Variants in KIAA1671 observed in about 807,000 individuals in gnomAD.
KIAA1671 encodes uncharacterized protein KIAA1671.
A neutral mutation model predicts 131.2 loss-of-function variants in KIAA1671; 52 were observed. The observed-to-expected ratio is 0.40, with a 90% CI of 0.32 to 0.50. The LOEUF is 0.50. Among genes scored for constraint, KIAA1671 ranks in the 20% least tolerant of loss-of-function variants. The probability of loss-of-function intolerance (pLI) is 0.73; values close to 1 mark genes in which losing one functional copy is unlikely to be tolerated. For missense variants in KIAA1671, 2,360 were observed against 2,364.2 expected, an observed-to-expected ratio of 1.00 and a Z score of 0.04; for synonymous variants, 1,003 against 961.6, an observed-to-expected ratio of 1.04 and a Z score of -0.80.
At chr22:25,050,327 C>A (rs1447975879) in intron 6 of KIAA1671, 2 of 152,310 alleles carry the variant, frequency 1.3e-5, no homozygotes, top group African/African-American at 4.8e-5. Flanking sequence ...TAGTTCCATG[C>A]TGTTTGGAGT....
intron 5 of KIAA1671, among the ~76,000 whole-genome samples, chr22:25,043,478 T>G (rs1481382832): frequency 6.6e-6 from 1 of 152,166 alleles, no homozygotes; most frequent in Admixed American, 6.5e-5. Context: ...AATCTGGCCT[T>G]AATTACCCAA....
chr22:25,077,429 T>C (rs906733892), intron 6 of KIAA1671, among the ~76,000 whole-genome samples: 4 of 152,152 alleles, frequency 2.6e-5, no homozygotes, highest in South Asian at 4.1e-4. Context: ...GGCTCTGATA[T>C]AATGGCAGGG....
chr22:25,099,041 CG>C (rs1555878217), intron 6 of KIAA1671, among the ~76,000 whole-genome samples: 1 of 152,020 alleles, frequency 6.6e-6, no homozygotes, highest in Non-Finnish European at 1.5e-5. Context: ...ATGGAAATGA[CG>C]GGGGTGGGGC....
intron 1 of KIAA1671, among the ~76,000 whole-genome samples, chr22:25,001,743 G>A (rs1054210109): frequency 2.6e-5 from 4 of 152,136 alleles, no homozygotes; most frequent in Non-Finnish European, 4.4e-5. Context: ...GGCTTGTCCA[G>A]CCTTTCTCCC....
chr22:25,020,886 G>A (rs1346312853), intron 1 of KIAA1671, among the ~76,000 whole-genome samples: 8 of 152,150 alleles, frequency 5.3e-5, no homozygotes, highest in Non-Finnish European at 5.9e-5. Context: ...AGAGGATCTG[G>A]ATCCTGTAGG....
At chr22:25,164,416 A>G (rs1933568221) in intron 6 of KIAA1671, among the ~76,000 whole-genome samples, 1 of 152,226 alleles carries the variant, frequency 6.6e-6, no homozygotes, top group Non-Finnish European at 1.5e-5. Context: ...TACAGTATTC[A>G]GTCAACCTCA....
rs530626383 is a variant in KIAA1671 at position 25,138,582 on chromosome 22, G to A, written c.4531-32238G>A. On this transcript the variant is annotated intron_variant, in intron 6 of 12. Coordinates refer to ENST00000358431, the MANE Select transcript of KIAA1671 (RefSeq NM_001145206.2). ...GCTCTTGTTGCTTAGATTGATTAAC[G>A]ATCCCTGAGTTGAACATTCACCTAT... Among the ~76,000 whole-genome samples the A allele has an allele frequency of 1.3e-4, 20 of 152,154 alleles. No homozygotes were observed. The South Asian group carries it at 2.7e-3, about 21-fold the overall frequency.
At chr22:25,169,735 T>G (rs1278378052) in intron 6 of KIAA1671, among the ~76,000 whole-genome samples, 1 of 152,196 alleles carries the variant, frequency 6.6e-6, no homozygotes, top group Non-Finnish European at 1.5e-5. Context: ...GTCAGTTCTG[T>G]GCTAATCAGC....
In KIAA1671 at chr22:25,085,705, G is replaced by T. The variant is rs77122964; in HGVS notation, c.4530+36341G>T. Among the ~76,000 whole-genome samples, 805 of 146,626 alleles carry T rather than the reference G, an allele frequency of 5.5e-3. 7 individuals carry two copies. Among genetic ancestry groups the T allele is most frequent in the African/African-American group, 0.018 (736 of 40,068 alleles). On this transcript the variant is annotated intron_variant, in intron 6 of 12. Coordinates refer to ENST00000358431, the MANE Select transcript of KIAA1671 (RefSeq NM_001145206.2). ...GCCTGGGATTCATTCCTCTGCCTCCGCACAGCCTGATAGACAGTAAGTGTC... is the reference window on the plus strand; with the variant it reads ...GCCTGGGATTCATTCCTCTGCCTCCTCACAGCCTGATAGACAGTAAGTGTC...
At chr22:25,189,126 C>CTTT (rs200226589) in intron 11 of KIAA1671, among the ~76,000 whole-genome samples, 26 of 114,856 alleles carry the variant, frequency 2.3e-4, no homozygotes, top group East Asian at 5.1e-4. Flanking sequence ...CAGTCTTTTT[C>CTTT]TTTTTTTTTT....
At chr22:25,018,863 C>T (rs1925490122) in intron 1 of KIAA1671, among the ~76,000 whole-genome samples, 1 of 152,138 alleles carries the variant, frequency 6.6e-6, no homozygotes. Flanking sequence ...CTGCTTCAAA[C>T]ATTGGTGTAC....
At chr22:24,956,096 C>T (rs1165751959) in intron 1 of KIAA1671, among the ~76,000 whole-genome samples, 2 of 151,700 alleles carry the variant, frequency 1.3e-5, no homozygotes, top group African/African-American at 2.4e-5. Flanking sequence ...GTGGACTGGA[C>T]GTAGAGACCA....
At chr22:25,139,992 C>T (rs774425157) in intron 6 of KIAA1671, among the ~76,000 whole-genome samples, 4 of 152,132 alleles carry the variant, frequency 2.6e-5, no homozygotes, top group African/African-American at 4.8e-5. Context: ...AGTACTGCTG[C>T]GTAACAAATG....
chr22:25,142,194 T>C (rs1240763223), intron 6 of KIAA1671, among the ~76,000 whole-genome samples: 1 of 152,190 alleles, frequency 6.6e-6, no homozygotes, highest in Non-Finnish European at 1.5e-5. Context: ...CTGTGTACTT[T>C]AGCGGCAGCC....
At chr22:24,971,052 G>T (rs1403750728) in intron 1 of KIAA1671, among the ~76,000 whole-genome samples, 1 of 152,194 alleles carries the variant, frequency 6.6e-6, no homozygotes, top group Non-Finnish European at 1.5e-5. Context: ...CTGCCTCCCG[G>T]ATTCAAGTGA....
At chr22:24,996,228 C>T (rs931104291) in intron 1 of KIAA1671, among the ~76,000 whole-genome samples, 9 of 150,296 alleles carry the variant, frequency 6.0e-5, no homozygotes, top group Non-Finnish European at 1.3e-4. Flanking sequence ...AGGGCTCCCT[C>T]TCGGACTCAG....
At chr22:25,145,073 C>T (rs1193216603) in intron 6 of KIAA1671, among the ~76,000 whole-genome samples, 2 of 152,200 alleles carry the variant, frequency 1.3e-5, no homozygotes, top group Non-Finnish European at 2.9e-5. Flanking sequence ...AGTCCTTTCC[C>T]TTTAGGGATG....
At chr22:25,139,217 A>G (rs950240351) in intron 6 of KIAA1671, among the ~76,000 whole-genome samples, 2 of 152,080 alleles carry the variant, frequency 1.3e-5, no homozygotes, top group Admixed American at 6.6e-5. Flanking sequence ...AGGCAATTAC[A>G]TAGTAAGAAG....
intron 6 of KIAA1671, among the ~76,000 whole-genome samples, chr22:25,156,023 T>G (rs1933227298): frequency 1.0e-5 from 1 of 96,672 alleles, no homozygotes; most frequent in African/African-American, 6.3e-5. Context: ...TTTTTTTTTT[T>G]TTTTTTTTTT....
Sources: allele counts gnomAD v4.1 joint callset (sites outside exome capture counted in the v4.1 genomes callset), GRCh38; gene constraint gnomAD v4.1.1; transcripts MANE v1.5; gene names NCBI Gene and HGNC (gene_info 2026-07-23, HGNC 2026-07-21).